DLG2: variants seen among roughly 807,000 people sequenced by gnomAD.
The protein encoded by DLG2 is discs large MAGUK scaffold protein 2.
In DLG2, 45 loss-of-function variants were observed where a neutral mutation model predicts 132.5. The observed-to-expected ratio is 0.34, with a 90% CI of 0.27 to 0.44. The LOEUF (loss-of-function observed/expected upper bound fraction) is 0.44. Ranked by LOEUF, DLG2 falls within the 20% of genes least tolerant of loss-of-function variation. DLG2 has a pLI of 1.00. For missense variants in DLG2, 1,045 were observed against 1,196.9 expected (o/e 0.87, Z 1.87); for synonymous variants, 424 against 419.6 (o/e 1.01, Z -0.13).
intron 7 of DLG2, among the ~76,000 whole-genome samples, chr11:84,403,507 A>G (rs1018095651): frequency 2.8e-4 from 42 of 152,140 alleles, no homozygotes; most frequent in African/African-American, 1.0e-3. Context: ...CTTTTGTGCT[A>G]GACTACCAAC....
chr11:84,534,855 A>C, intron 6 of DLG2, 124 bp from the exon 7 acceptor site: 2 of 1,143,066 alleles, frequency 1.7e-6, no homozygotes, highest in Non-Finnish European at 1.3e-6. Context: ...ACTTCACCAA[A>C]TGGGCTTTGC....
chr11:84,737,810 T>G (rs75781049), intron 6 of DLG2, among the ~76,000 whole-genome samples: 9,542 of 151,976 alleles, frequency 0.063, 367 homozygotes, highest in Middle Eastern at 0.11. Context: ...GTGATACATA[T>G]TGGGGGTAGA....
chr11:84,460,982 T>C (rs1420552137), intron 7 of DLG2, among the ~76,000 whole-genome samples: 1 of 150,852 alleles, frequency 6.6e-6, no homozygotes, highest in Admixed American at 6.6e-5. Context: ...TAACATACTT[T>C]AATCAGTTCG....
chr11:84,184,710 C>T lies in DLG2; in HGVS notation c.574-21199G>A, dbSNP rs1023764938. Among the ~76,000 whole-genome samples, 7 of 151,912 alleles carry T rather than the reference C, an allele frequency of 4.6e-5. No homozygotes were observed. In the South Asian group the frequency reaches 6.2e-4, roughly 14 times the overall value. ...AGGGTTTTTATGGTTTTAGGTCTAA[C>T]GTTTAAGTCTTTAATCCATCTTGAA... is the stretch of plus-strand genomic sequence containing the variant. On this transcript the variant is annotated intron_variant, in intron 8 of 27. Transcript: ENST00000376104.
chr11:85,505,437 T>C (rs2093907598), intron 3 of DLG2, among the ~76,000 whole-genome samples: 1 of 152,220 alleles, frequency 6.6e-6, no homozygotes, highest in Admixed American at 6.5e-5. Context: ...TGAAGGGCTG[T>C]TGAATTTTGT....
intron 16 of DLG2, among the ~76,000 whole-genome samples, chr11:83,857,011 GA>G (rs901565676): frequency 6.6e-6 from 1 of 152,154 alleles, no homozygotes; most frequent in Non-Finnish European, 1.5e-5. Flanking sequence ...TCTGGTATAA[GA>G]AAGGAGTACA....
chr11:83,633,743 A>AACACACACAC (rs35932645), intron 18 of DLG2, among the ~76,000 whole-genome samples: 4,216 of 143,220 alleles, frequency 0.029, 75 homozygotes, highest in Non-Finnish European at 0.034. Flanking sequence ...CACAGAACTA[A>AACACACACAC]ACACACACAC....
At chr11:83,921,426 T>C (rs894990433) in intron 15 of DLG2, among the ~76,000 whole-genome samples, 9 of 152,190 alleles carry the variant, frequency 5.9e-5, no homozygotes, top group Non-Finnish European at 1.2e-4. Context: ...TCTCAAACCA[T>C]GTACCGTAAT....
At chr11:84,174,911 T>G (rs115721196) in intron 8 of DLG2, among the ~76,000 whole-genome samples, 3,199 of 152,306 alleles carry the variant, frequency 0.021, 108 homozygotes, top group African/African-American at 0.068. Flanking sequence ...ATCTAATAAT[T>G]GTAACAATTT....
At chr11:84,158,280 GTCTCGA>G (rs930642298) in intron 9 of DLG2, among the ~76,000 whole-genome samples, 6 of 152,068 alleles carry the variant, frequency 3.9e-5, no homozygotes, top group Non-Finnish European at 7.4e-5. Flanking sequence ...AGCCAGGATG[GTCTCGA>G]TCTCCTGACC....
intron 3 of DLG2, among the ~76,000 whole-genome samples, chr11:85,516,129 G>A (rs777102870): frequency 6.6e-6 from 1 of 151,896 alleles, no homozygotes; most frequent in Non-Finnish European, 1.5e-5. Flanking sequence ...AATACAACTA[G>A]AAATCAATTC....
chr11:85,605,700 T>C (rs7115250), intron 2 of DLG2, among the ~76,000 whole-genome samples: 28,458 of 152,160 alleles, frequency 0.19, 3,652 homozygotes, highest in African/African-American at 0.35. Flanking sequence ...CTATCACGGC[T>C]GGGAGCGGTG....
chr11:85,282,981 C>T (rs1242137993), intron 4 of DLG2, among the ~76,000 whole-genome samples: 1 of 151,874 alleles, frequency 6.6e-6, no homozygotes, highest in Non-Finnish European at 1.5e-5. Flanking sequence ...CCAACTAACA[C>T]AGGAACAAAA....
chr11:83,930,042 C>G (rs2079847035), intron 15 of DLG2, among the ~76,000 whole-genome samples: 1 of 152,160 alleles, frequency 6.6e-6, no homozygotes. Flanking sequence ...ATTAATTCTT[C>G]TGGAAAAATA....
intron 6 of DLG2, among the ~76,000 whole-genome samples, chr11:84,735,478 G>A (rs751834551): frequency 2.0e-5 from 3 of 152,076 alleles, no homozygotes; most frequent in African/African-American, 7.2e-5. Flanking sequence ...GGCATCGGTG[G>A]TGATATCCCT....
chr11:84,734,822 AATTG>A (rs1405335444), intron 6 of DLG2, among the ~76,000 whole-genome samples: 2 of 152,300 alleles, frequency 1.3e-5, no homozygotes, highest in African/African-American at 4.8e-5. Context: ...ATCAATACCT[AATTG>A]ATTGAGAGTT....
intron 6 of DLG2, among the ~76,000 whole-genome samples, chr11:84,676,904 G>C (rs1410589933): frequency 1.3e-5 from 2 of 152,168 alleles, no homozygotes; most frequent in Non-Finnish European, 2.9e-5. Flanking sequence ...GTTCCAGGCA[G>C]ATGGAACAAG....
chr11:83,790,082 G>C, intron 17 of DLG2: 1 of 1,056,070 alleles, frequency 9.5e-7, no homozygotes, highest in South Asian at 1.7e-5. Context: ...GTACTGCAAC[G>C]AGTGTACCTG....
At chr11:84,097,884 A>G (rs1027346811) in intron 10 of DLG2, among the ~76,000 whole-genome samples, 20 of 152,106 alleles carry the variant, frequency 1.3e-4, no homozygotes, top group African/African-American at 4.8e-4. Context: ...TTGATCCCAT[A>G]GCATTTTATG....
Sources: gnomAD v4.1 joint callset for allele counts (sites outside exome capture counted in the v4.1 genomes callset) on GRCh38, gnomAD v4.1.1 for gene constraint, MANE v1.5 for transcripts, NCBI Gene and HGNC (gene_info 2026-07-23, HGNC 2026-07-21) for gene names.